Variants in FLRT2 observed in about 807,000 individuals in gnomAD.
FLRT2 encodes leucine-rich repeat transmembrane protein FLRT2.
A neutral mutation model predicts 40.0 loss-of-function variants in FLRT2; 15 were observed. The observed-to-expected ratio is 0.38, with a 90% confidence interval of 0.25 to 0.58. The LOEUF (loss-of-function observed/expected upper bound fraction) is 0.58. Ranked by LOEUF, FLRT2 falls within the 20% of genes least tolerant of loss-of-function variation. FLRT2 has a pLI of 0.71. For synonymous variants in FLRT2, 380 were observed against 336.8 expected (o/e 1.13, Z -1.41); for missense variants, 726 against 840.0 (o/e 0.86, Z 1.68).
At chr14:85,602,074 A>G (rs1011258853) in intron 1 of FLRT2, among the ~76,000 whole-genome samples, 3 of 152,212 alleles carry the variant, frequency 2.0e-5, no homozygotes, top group Non-Finnish European at 4.4e-5. Context: ...ATTTGTTATT[A>G]TTTATTTATA....
chr14:85,545,976 C>T (rs1160880756), intron 1 of FLRT2, among the ~76,000 whole-genome samples: 1 of 152,188 alleles, frequency 6.6e-6, no homozygotes, highest in Non-Finnish European at 1.5e-5. Flanking sequence ...AATAGGTCAG[C>T]TTCACTGGTT....
In FLRT2 at chr14:85,633,340, A is replaced by G. The variant is rs545475210; in HGVS notation, c.*9843A>G. The G allele has an allele frequency of 6.6e-5, 10 of 152,288 alleles. No homozygotes were observed. The South Asian group carries it at 1.9e-3, about 28-fold the overall frequency. 9.4% of individuals were successfully genotyped at this position (152,288 alleles called of 1,614,324 possible). On this transcript the variant is annotated 3_prime_UTR_variant, in exon 2 of 2. Coordinates refer to ENST00000330753, the MANE Select transcript of FLRT2 (RefSeq NM_013231.6). The stretch of plus-strand genomic sequence containing the variant: ...GTGGGATCATTGAACAACATGGTTG[A>G]ACAGAAAGAGAACAGACTTCTTTAT...
In FLRT2 at chr14:85,631,712, A is replaced by T. The variant is rs553978609; in HGVS notation, c.*8215A>T. The T allele has an allele frequency of 3.9e-5, 6 of 152,264 alleles. No homozygotes were observed. In the South Asian group the frequency reaches 1.2e-3, roughly 32 times the overall value. 9.4% of individuals were successfully genotyped at this position (152,264 alleles called of 1,614,324 possible). ...TTTTAAAAGAAATTTTGTTTTTATG[A>T]TTATTTGGTGGCCATGCATCTGATT... On this transcript the variant is annotated 3_prime_UTR_variant, in exon 2 of 2. Transcript: ENST00000330753.
In FLRT2 at chr14:85,621,207, G is replaced by A; in HGVS notation, c.-308G>A. Reference sequence around the variant, plus strand: ...GCTGGCTTGACCTACAAAAGAAGAAGAGAGTTCTGCCTGCCCACTTGGGCT... The same window carrying A: ...GCTGGCTTGACCTACAAAAGAAGAAAAGAGTTCTGCCTGCCCACTTGGGCT... On this transcript the variant is annotated 5_prime_UTR_variant, in exon 2 of 2. Transcript: ENST00000330753. 2.5e-6 allele frequency: 1 copy of A among 397,946 alleles called. No individual in the cohort carries two copies. 24.7% of individuals were successfully genotyped at this position (397,946 alleles called of 1,614,324 possible). A position where few individuals can be genotyped will look rare whatever the true frequency, so the allele number is the denominator to read the frequency against.
At chr14:85,534,312 A>G (rs543631647) in intron 1 of FLRT2, among the ~76,000 whole-genome samples, 4 of 152,240 alleles carry the variant, frequency 2.6e-5, no homozygotes, top group African/African-American at 9.6e-5. Flanking sequence ...CATGGATTTC[A>G]CTTACCGCAC....
intron 1 of FLRT2, among the ~76,000 whole-genome samples, chr14:85,532,941 A>T (rs1187336844): frequency 6.6e-6 from 1 of 152,190 alleles, no homozygotes; most frequent in African/African-American, 2.4e-5. Flanking sequence ...ATTATCCCTA[A>T]GGACTGGTGG....
chr14:85,612,109 G>T, intron 1 of FLRT2, among the ~76,000 whole-genome samples: 1 of 137,860 alleles, frequency 7.3e-6, no homozygotes. Context: ...GTGCACCTGA[G>T]TTTTTAAAAT....
chr14:85,606,938 A>T (rs568140976), intron 1 of FLRT2, among the ~76,000 whole-genome samples: 1 of 149,338 alleles, frequency 6.7e-6, no homozygotes, highest in Non-Finnish European at 1.5e-5. Flanking sequence ...GAGATTGCCT[A>T]GATTTTTTTT....
chr14:85,603,605 C>T (rs192585642), intron 1 of FLRT2, among the ~76,000 whole-genome samples: 2 of 152,216 alleles, frequency 1.3e-5, no homozygotes, highest in African/African-American at 2.4e-5. Context: ...CACGGTGGCT[C>T]ACCCCTGTAA....
intron 1 of FLRT2, among the ~76,000 whole-genome samples, chr14:85,558,139 TTC>T (rs1890089963): frequency 6.6e-6 from 1 of 152,290 alleles, no homozygotes; most frequent in South Asian, 2.1e-4. Context: ...CCTCCATGTA[TTC>T]TGTTTGCCCT....
At chr14:85,579,901 T>C (rs1485748849) in intron 1 of FLRT2, among the ~76,000 whole-genome samples, 1 of 151,322 alleles carries the variant, frequency 6.6e-6, no homozygotes, top group South Asian at 2.1e-4. Context: ...TCAGGGGTGG[T>C]CATTCCATGC....
chr14:85,574,748 G>C (rs1891051404), intron 1 of FLRT2, among the ~76,000 whole-genome samples: 1 of 152,222 alleles, frequency 6.6e-6, no homozygotes, highest in Admixed American at 6.5e-5. Context: ...TGTGGATACT[G>C]CCACCTTCTC....
intron 1 of FLRT2, among the ~76,000 whole-genome samples, chr14:85,606,945 T>A (rs972018100): frequency 1.3e-5 from 2 of 151,796 alleles, no homozygotes; most frequent in Admixed American, 1.3e-4. Context: ...CCTAGATTTT[T>A]TTTTTTCTAA....
intron 1 of FLRT2, among the ~76,000 whole-genome samples, chr14:85,607,200 G>A (rs779793291): frequency 6.6e-6 from 1 of 152,122 alleles, no homozygotes; most frequent in African/African-American, 2.4e-5. Context: ...CATGTTAGAA[G>A]AGGGTTGACT....
Position 85,648,928 on chromosome 14 carries a change from A to G in FLRT2, c.*25431A>G, listed in dbSNP as rs928542899. 6.6e-6 allele frequency: 1 copy of G among 152,120 alleles called. No individual in the cohort carries two copies. The allele number at this position is 152,120 out of a possible 1,614,324, so 9.4% of individuals were successfully genotyped here. On this transcript the variant is annotated 3_prime_UTR_variant, in exon 2 of 2. Coordinates refer to ENST00000330753, the MANE Select transcript of FLRT2 (RefSeq NM_013231.6). ...ATTTTTCTGAATGAATAGATTTTAAACCATGTGTGAGCAGTCACAGAATTC... is the reference window on the plus strand; with the variant it reads ...ATTTTTCTGAATGAATAGATTTTAAGCCATGTGTGAGCAGTCACAGAATTC...
Position 85,549,785 on chromosome 14 carries a change from T to C in FLRT2, c.-377+19251T>C, listed in dbSNP as rs553695041. Among the ~76,000 whole-genome samples the C allele has an allele frequency of 4.6e-5, 7 of 150,612 alleles. No homozygotes were observed. The Admixed American group carries it at 4.7e-4, about 10-fold the overall frequency. ...CTTTGCCCTCCAATGTAAAATGATA[T>C]GAATTCTGTGGCTTACACATAGCTA... On this transcript the variant is annotated intron_variant, in intron 1 of 1. Transcript: ENST00000330753.
intron 1 of FLRT2, among the ~76,000 whole-genome samples, chr14:85,576,764 C>T (rs920922828): frequency 1.3e-5 from 2 of 152,286 alleles, no homozygotes; most frequent in Admixed American, 1.3e-4. Flanking sequence ...TGGAAATATT[C>T]TATTGCATTG....
Position 85,635,591 on chromosome 14 carries a change from A to T in FLRT2, c.*12094A>T, listed in dbSNP as rs1893980302. On this transcript the variant is annotated 3_prime_UTR_variant, in exon 2 of 2. Coordinates refer to ENST00000330753, the MANE Select transcript of FLRT2 (RefSeq NM_013231.6). ...AAACCCTAATATTTGACAGAGAAAG[A>T]ATTATGAGAATAGCTAGAAAATATT... The T allele has an allele frequency of 6.6e-6, 1 of 152,088 alleles. No homozygotes were observed. The highest frequency in any genetic ancestry group is 2.4e-5 in the African/African-American group (1 of 41,452). The allele number at this position is 152,088 out of a possible 1,614,324, so 9.4% of individuals were successfully genotyped here.
chr14:85,580,756 C>T (rs1156991661), intron 1 of FLRT2, among the ~76,000 whole-genome samples: 1 of 152,036 alleles, frequency 6.6e-6, no homozygotes, highest in African/African-American at 2.4e-5. Flanking sequence ...GCAAGCGTTC[C>T]TGTGTTTCTA....
Sources: allele counts gnomAD v4.1 joint callset (sites outside exome capture counted in the v4.1 genomes callset), GRCh38; gene constraint gnomAD v4.1.1; transcripts MANE v1.5; gene names NCBI Gene and HGNC (gene_info 2026-07-23, HGNC 2026-07-21).